ATP8B4: variants seen among roughly 807,000 people sequenced by gnomAD.
ATP8B4 encodes ATPase phospholipid transporting 8B4 (putative).
ATP8B4 carries 133 observed loss-of-function variants against 145.6 expected under a neutral mutation model. The ratio of observed to expected loss-of-function variants is 0.91; its 90% CI spans 0.79 to 1.05. The LOEUF (loss-of-function observed/expected upper bound fraction) is 1.05. Among genes scored for constraint, ATP8B4 ranks in the 50% least tolerant of loss-of-function variants. The pLI is 0.00. For missense variants in ATP8B4, 1,458 were observed against 1,425.2 expected, an observed-to-expected ratio of 1.02 and a Z score of -0.37; for synonymous variants, 507 against 492.9, an observed-to-expected ratio of 1.03 and a Z score of -0.38.
chr15:50,116,553 T>A (rs1347941822), intron 1 of ATP8B4, among the ~76,000 whole-genome samples: 1 of 151,880 alleles, frequency 6.6e-6, no homozygotes, highest in Non-Finnish European at 1.5e-5. Flanking sequence ...CATCAACATA[T>A]AAGGAAGGAG....
chr15:50,001,274 T>G (rs966059604), intron 8 of ATP8B4, among the ~76,000 whole-genome samples: 1 of 152,140 alleles, frequency 6.6e-6, no homozygotes, highest in Admixed American at 6.6e-5. Context: ...ATTTGAGAAT[T>G]TTTCTCTTTT....
intron 2 of ATP8B4, among the ~76,000 whole-genome samples, chr15:50,084,403 G>A (rs559610153): frequency 1.3e-5 from 2 of 152,158 alleles, no homozygotes; most frequent in South Asian, 2.1e-4. Flanking sequence ...GCTCAGAATC[G>A]GCCACTTCTC....
chr15:50,125,159 GAGT>G (rs2057298942), intron 1 of ATP8B4, among the ~76,000 whole-genome samples: 1 of 152,142 alleles, frequency 6.6e-6, no homozygotes, highest in African/African-American at 2.4e-5. Context: ...TACAAGAAAG[GAGT>G]AGTAGAACAA....
chr15:50,067,252 A>G (rs1006773902), intron 3 of ATP8B4, among the ~76,000 whole-genome samples: 1 of 152,042 alleles, frequency 6.6e-6, no homozygotes, highest in African/African-American at 2.4e-5. Flanking sequence ...GGCCTATTTT[A>G]TATGGAGGGC....
intron 3 of ATP8B4, among the ~76,000 whole-genome samples, chr15:50,054,783 C>CAAAAAAAAA (rs55783703): frequency 1.2e-5 from 1 of 81,872 alleles, no homozygotes; most frequent in African/African-American, 4.9e-5. Context: ...GACTCCGCCT[C>CAAAAAAAAA]AAAAAAAAAA....
chr15:50,071,712 G>T (rs1174830094), intron 3 of ATP8B4, among the ~76,000 whole-genome samples: 3 of 152,182 alleles, frequency 2.0e-5, no homozygotes, highest in Admixed American at 2.0e-4. Context: ...ATGTCAGGAG[G>T]CCATACAGAG....
At chr15:49,949,734 T>G (rs1050755840) in intron 14 of ATP8B4, among the ~76,000 whole-genome samples, 1 of 150,748 alleles carries the variant, frequency 6.6e-6, no homozygotes, top group Admixed American at 6.6e-5. Flanking sequence ...AGAGGGCATC[T>G]TGCACTGGTT....
chr15:50,108,296 T>C lies in ATP8B4; in HGVS notation c.-42-1288A>G, dbSNP rs1047498421. Among the ~76,000 whole-genome samples the C allele has an allele frequency of 5.9e-5, 9 of 152,104 alleles. No individual in the cohort carries two copies. In the East Asian group the frequency reaches 1.7e-3, roughly 29 times the overall value. On this transcript the variant is annotated intron_variant, in intron 1 of 27. Coordinates refer to ENST00000284509, the MANE Select transcript of ATP8B4 (RefSeq NM_024837.4). ...CTCTCCCTCTATGTTCCTCCCTTGTTCCAGGCTTGGCCACCTGTAGACCAG... is the reference window on the plus strand; with the variant it reads ...CTCTCCCTCTATGTTCCTCCCTTGTCCCAGGCTTGGCCACCTGTAGACCAG...
At chr15:50,146,863 A>C (rs1039884420) in intron 1 of ATP8B4, among the ~76,000 whole-genome samples, 2 of 151,896 alleles carry the variant, frequency 1.3e-5, no homozygotes, top group Non-Finnish European at 2.9e-5. Context: ...CAGGTTCCAC[A>C]CAGGAAGAGG....
intron 1 of ATP8B4, among the ~76,000 whole-genome samples, chr15:50,171,773 A>T (rs1233098890): frequency 6.6e-6 from 1 of 152,186 alleles, no homozygotes; most frequent in Non-Finnish European, 1.5e-5. Flanking sequence ...ATGAAACAAA[A>T]ATCTGGTTCT....
chr15:49,937,208 G>A (rs941027427), intron 14 of ATP8B4, among the ~76,000 whole-genome samples: 2 of 152,072 alleles, frequency 1.3e-5, no homozygotes, highest in East Asian at 1.9e-4. Context: ...AAGACTGAGC[G>A]AACTCTACAA....
At chr15:49,952,022 C>T (rs1444805892) in intron 14 of ATP8B4, among the ~76,000 whole-genome samples, 5 of 152,106 alleles carry the variant, frequency 3.3e-5, no homozygotes, top group Non-Finnish European at 7.3e-5. Context: ...ATATTGACCC[C>T]CAATCTCTTC....
chr15:50,072,980 CTATATATATATATA>C (rs374525582), intron 3 of ATP8B4, among the ~76,000 whole-genome samples: 142 of 22,850 alleles, frequency 6.2e-3, no homozygotes, highest in East Asian at 0.019. Flanking sequence ...CTCTCTCTCT[CTATATATATATATA>C]TATATATATA....
chr15:49,898,194 TACAC>T lies in ATP8B4; in HGVS notation c.2343_2346del (p.Met781IlefsTer4). ...GTGACCCTGCAGCAAATTACAGTCT[TACAC>T]ATGCAAGCAAGTTCTAGGAGATCAT... On this transcript the variant is annotated frameshift_variant, in exon 22 of 28. Coordinates refer to ENST00000284509, the MANE Select transcript of ATP8B4 (RefSeq NM_024837.4). LOFTEE classifies it high-confidence loss of function. 2 of 1,613,932 alleles carry T rather than the reference TACAC, an allele frequency of 1.2e-6. No homozygotes were observed.
chr15:50,140,091 T>G (rs1359190638), intron 1 of ATP8B4, among the ~76,000 whole-genome samples: 1 of 152,056 alleles, frequency 6.6e-6, no homozygotes, highest in Non-Finnish European at 1.5e-5. Context: ...GGGTGACAGG[T>G]GCACTGAAAT....
At chr15:49,887,765 C>T (rs2036367892) in intron 23 of ATP8B4, among the ~76,000 whole-genome samples, 1 of 152,104 alleles carries the variant, frequency 6.6e-6, no homozygotes, top group African/African-American at 2.4e-5. Context: ...AATTTATCAG[C>T]CTTATCAACC....
intron 1 of ATP8B4, among the ~76,000 whole-genome samples, chr15:50,109,670 C>T (rs570244505): frequency 1.4e-4 from 21 of 151,826 alleles, no homozygotes; most frequent in Non-Finnish European, 2.5e-4. Context: ...ACCCAAACAG[C>T]GGCAATGAGA....
At chr15:49,889,290 C>T (rs972506792) in intron 23 of ATP8B4, among the ~76,000 whole-genome samples, 3 of 151,986 alleles carry the variant, frequency 2.0e-5, no homozygotes, top group East Asian at 3.9e-4. Context: ...CTCTGTAAAA[C>T]GAGGGACTGG....
At chr15:49,877,279 GC>G (rs2034601784) in intron 24 of ATP8B4, among the ~76,000 whole-genome samples, 1 of 152,184 alleles carries the variant, frequency 6.6e-6, no homozygotes, top group Non-Finnish European at 1.5e-5. Context: ...GCCCAAGACT[GC>G]ATTTCCAGCC....
Sources: gnomAD v4.1 joint callset for allele counts (sites outside exome capture counted in the v4.1 genomes callset) on GRCh38, gnomAD v4.1.1 for gene constraint, MANE v1.5 for transcripts, NCBI Gene and HGNC (gene_info 2026-07-23, HGNC 2026-07-21) for gene names.